Variants in GRAMD1B observed in about 807,000 individuals in gnomAD.
GRAMD1B encodes the protein GRAM domain containing 1B, also known as protein Aster-B.
A neutral mutation model predicts 99.7 loss-of-function variants in GRAMD1B; 37 were observed. The ratio of observed to expected loss-of-function variants is 0.37; its 90% CI spans 0.29 to 0.49. The LOEUF (loss-of-function observed/expected upper bound fraction) is 0.49. Among genes scored for constraint, GRAMD1B ranks in the 20% least tolerant of loss-of-function variants. GRAMD1B has a pLI of 0.98. For synonymous variants in GRAMD1B, 427 were observed against 387.6 expected (o/e 1.10, Z -1.19); for missense variants, 888 against 1,009.2 (o/e 0.88, Z 1.63).
At chr11:123,603,184 T>C (rs912528347) in intron 8 of GRAMD1B, among the ~76,000 whole-genome samples, 1 of 152,176 alleles carries the variant, frequency 6.6e-6, no homozygotes, top group African/African-American at 2.4e-5. Flanking sequence ...TACAAACCTC[T>C]GTTGAGGGAT....
chr11:123,592,915 A>C (rs542829148), intron 4 of GRAMD1B, among the ~76,000 whole-genome samples: 32 of 151,532 alleles, frequency 2.1e-4, no homozygotes, highest in Non-Finnish European at 4.3e-4. Context: ...TTTCTTTTTT[A>C]TTTTATTTTT....
chr11:123,615,360 T>C (rs1382688758), intron 17 of GRAMD1B, among the ~76,000 whole-genome samples: 2 of 152,212 alleles, frequency 1.3e-5, no homozygotes, highest in Non-Finnish European at 2.9e-5. Flanking sequence ...GCTATGACAT[T>C]ATAAAACAGT....
chr11:123,389,496 G>A (rs1414415819), intron 1 of GRAMD1B, among the ~76,000 whole-genome samples: 1 of 152,094 alleles, frequency 6.6e-6, no homozygotes, highest in Non-Finnish European at 1.5e-5. Context: ...TGTCAGCCAA[G>A]AGGAGCCTAA....
intron 2 of GRAMD1B, among the ~76,000 whole-genome samples, chr11:123,486,313 C>T (rs868755085): frequency 6.4e-4 from 98 of 152,078 alleles, no homozygotes; most frequent in African/African-American, 2.2e-3. Flanking sequence ...TTGGGGAGGC[C>T]GACGTGGGTG....
Position 123,558,426 on chromosome 11 carries a change from G to A in GRAMD1B, c.453-18941G>A, listed in dbSNP as rs73615820. 6.3e-3 allele frequency among the ~76,000 whole-genome samples: 967 copies of A among 152,294 alleles called. 6 individuals are homozygous for A. Among genetic ancestry groups the A allele is most frequent in the African/African-American group, 0.022 (914 of 41,554 alleles). Reference sequence around the variant, plus strand: ...TGCAATTAAGTTCTAAATGTATACTGTAAGGGCAGGGGCAGGAGAGGTACC... The same window carrying A: ...TGCAATTAAGTTCTAAATGTATACTATAAGGGCAGGGGCAGGAGAGGTACC... On this transcript the variant is annotated intron_variant, in intron 2 of 19. Coordinates refer to ENST00000635736, the MANE Select transcript of GRAMD1B (RefSeq NM_001387025.1).
At chr11:123,477,173 T>G (rs1210831395) in intron 1 of GRAMD1B, among the ~76,000 whole-genome samples, 1 of 151,078 alleles carries the variant, frequency 6.6e-6, no homozygotes, top group Non-Finnish European at 1.5e-5. Context: ...CTTCTTTCTT[T>G]CTTTTTCTCT....
Position 123,594,745 on chromosome 11 carries a change from T to C in GRAMD1B, c.780T>C (p.Cys260=), listed in dbSNP as rs1406923918. ...DTERLIVDYS[C]ALQRDILLQG... is the part of the protein sequence containing the mutation. ...CCGCTCCTACCACAGATTACTCATGTGCACTCCAAAGAGACATTCTCCTTC... is the reference window on the plus strand; with the variant it reads ...CCGCTCCTACCACAGATTACTCATGCGCACTCCAAAGAGACATTCTCCTTC... Residue 260 remains cysteine (C), a synonymous_variant, in exon 6 of 20, where the codon TGT becomes TGC. Coordinates refer to ENST00000635736, the MANE Select transcript of GRAMD1B (RefSeq NM_001387025.1). 3.2e-6 allele frequency: 5 copies of C among 1,576,496 alleles called. No homozygotes were observed. The Admixed American group carries it at 8.3e-5, about 26-fold the overall frequency.
intron 2 of GRAMD1B, among the ~76,000 whole-genome samples, chr11:123,572,208 A>G (rs1948178479): frequency 6.6e-6 from 1 of 152,190 alleles, no homozygotes; most frequent in Admixed American, 6.5e-5. Context: ...TACTAACTCT[A>G]AACTCTGGGA....
At chr11:123,424,622 C>T (rs1948584203) in intron 1 of GRAMD1B, among the ~76,000 whole-genome samples, 1 of 152,186 alleles carries the variant, frequency 6.6e-6, no homozygotes, top group Non-Finnish European at 1.5e-5. Flanking sequence ...CTCCTCAATG[C>T]TTTTATTCAA....
intron 1 of GRAMD1B, among the ~76,000 whole-genome samples, chr11:123,467,655 G>A (rs1022696966): frequency 4.6e-5 from 7 of 152,096 alleles, no homozygotes; most frequent in Admixed American, 2.6e-4. Flanking sequence ...AGTCGGCATC[G>A]CCAGATGTCT....
At position 123,625,973 on chromosome 11, in the gene GRAMD1B, A is replaced by AGACAGAGG. The variant is rs1555112793; in HGVS notation, c.*3380_*3381insCAGAGGGA. 1.4e-5 allele frequency: 2 copies of AGACAGAGG among 139,748 alleles called. No individual in the cohort carries two copies. The highest frequency in any genetic ancestry group is 3.1e-5 in the Non-Finnish European group (2 of 63,912). 8.7% of individuals were successfully genotyped at this position (139,748 alleles called of 1,614,324 possible). A position where few individuals can be genotyped will look rare whatever the true frequency, so the allele number is the denominator to read the frequency against. On this transcript the variant is annotated 3_prime_UTR_variant, in exon 20 of 20. Transcript: ENST00000635736. ...GAGAGAGAGAGAGAGAGAGAGAGAG[A>AGACAGAGG]GAGAGAGATCGAGCTTGATGTATTG...
intron 1 of GRAMD1B, among the ~76,000 whole-genome samples, chr11:123,391,453 TTTTG>T (rs1210925784): frequency 5.3e-5 from 8 of 152,164 alleles, no homozygotes; most frequent in African/African-American, 7.2e-5. Flanking sequence ...TTAGTTTGTT[TTTTG>T]TTTGTTTGTT....
rs1565433569 is a variant in GRAMD1B, at chr11:123,594,710, TC to T, written c.770-21del. On this transcript the variant is annotated intron_variant, in intron 5 of 19. Coordinates refer to ENST00000635736, the MANE Select transcript of GRAMD1B (RefSeq NM_001387025.1). ...CCGAAAATGCTTCCTGCCTCTGAGC[TC>T]CCCTACCTCCGCTCCTACCACAGAT... is the stretch of plus-strand genomic sequence containing the variant. 4.1e-6 allele frequency: 5 copies of T among 1,229,534 alleles called. No individual in the cohort carries two copies. In the South Asian group the frequency reaches 6.0e-5, roughly 15 times the overall value. The allele number at this position is 1,229,534 out of a possible 1,614,324, so 76.2% of individuals were successfully genotyped here.
At chr11:123,376,821 G>T (rs1946705744) in intron 1 of GRAMD1B, among the ~76,000 whole-genome samples, 1 of 152,172 alleles carries the variant, frequency 6.6e-6, no homozygotes, top group African/African-American at 2.4e-5. Context: ...CTCCCACGGT[G>T]GTTGTCTGGG....
intron 2 of GRAMD1B, among the ~76,000 whole-genome samples, chr11:123,504,118 G>T (rs141971445): frequency 1.3e-5 from 2 of 152,068 alleles, no homozygotes; most frequent in African/African-American, 2.4e-5. Context: ...TGCTTGTTGC[G>T]GGGGCGGTCT....
Position 123,608,787 on chromosome 11 carries a change from C to T in GRAMD1B, c.1642C>T (p.Gln548Ter). 1 of 1,549,030 alleles carries T rather than the reference C, an allele frequency of 6.5e-7. No homozygotes were observed. The highest frequency in any genetic ancestry group is 8.7e-7 in the Non-Finnish European group (1 of 1,145,328). Residue 548 changes from glutamine to a stop codon, truncating the protein, a stop_gained, in exon 12 of 20, where the codon CAG becomes TAG. Coordinates refer to ENST00000635736, the MANE Select transcript of GRAMD1B (RefSeq NM_001387025.1). LOFTEE classifies it high-confidence loss of function. ...NSPFQRDFME[Q>*]RRFSDIIFHP... ...GCCCTTCCAGCGGGATTTCATGGAG[C>T]AGCGGCGCTTCTCTGGTCCGTTCTG...
At chr11:123,550,764 A>T (rs1945529089) in intron 2 of GRAMD1B, among the ~76,000 whole-genome samples, 1 of 152,234 alleles carries the variant, frequency 6.6e-6, no homozygotes, top group African/African-American at 2.4e-5. Flanking sequence ...AGAGGGGCTT[A>T]GTGTCTCCTA....
intron 17 of GRAMD1B, among the ~76,000 whole-genome samples, chr11:123,617,860 T>A (rs1394993884): frequency 1.5e-5 from 1 of 66,900 alleles, no homozygotes; most frequent in East Asian, 3.8e-4. Context: ...TCTCTATGAC[T>A]CCCCACAGCC....
At chr11:123,515,415 C>T (rs1357899510) in intron 2 of GRAMD1B, among the ~76,000 whole-genome samples, 2 of 152,132 alleles carry the variant, frequency 1.3e-5, no homozygotes, top group Non-Finnish European at 2.9e-5. Context: ...GCCAACATGC[C>T]GTTCAAAGGC....
Sources: gnomAD v4.1 joint callset for allele counts (sites outside exome capture counted in the v4.1 genomes callset) on GRCh38, gnomAD v4.1.1 for gene constraint, MANE v1.5 for transcripts, NCBI Gene and HGNC (gene_info 2026-07-23, HGNC 2026-07-21) for gene names.